PTPRK: variants seen among roughly 807,000 people sequenced by gnomAD.
PTPRK encodes the protein protein tyrosine phosphatase receptor type K.
In PTPRK, 75 loss-of-function variants were observed where a neutral mutation model predicts 178.0. The observed-to-expected ratio is 0.42, with a 90% CI of 0.35 to 0.51. The LOEUF (loss-of-function observed/expected upper bound fraction) is 0.51, where lower values mean the gene tolerates loss of function less well. PTPRK is among the 20% of genes least tolerant of loss of function. The probability of loss-of-function intolerance (pLI) is 0.02; values close to 1 mark genes in which losing one functional copy is unlikely to be tolerated. For missense variants in PTPRK, 1,441 were observed against 1,797.8 expected (o/e 0.80, Z 3.59); for synonymous variants, 637 against 620.6 (o/e 1.03, Z -0.39).
chr6:128,317,439 A>G (rs1246713342), intron 3 of PTPRK, among the ~76,000 whole-genome samples: 4 of 150,838 alleles, frequency 2.7e-5, no homozygotes, highest in Non-Finnish European at 5.9e-5. Context: ...CTCCAAATAG[A>G]TTGAAAAAAA....
chr6:128,270,631 A>G (rs942656923), intron 3 of PTPRK, among the ~76,000 whole-genome samples: 14 of 152,158 alleles, frequency 9.2e-5, no homozygotes, highest in Admixed American at 7.9e-4. Flanking sequence ...CAATACAGAT[A>G]CTAGCAATGT....
At chr6:128,074,037 T>C (rs1257336404) in intron 11 of PTPRK, among the ~76,000 whole-genome samples, 1 of 152,072 alleles carries the variant, frequency 6.6e-6, no homozygotes, top group Non-Finnish European at 1.5e-5. Context: ...AACATACATT[T>C]GTCTGTTAAG....
intron 1 of PTPRK, among the ~76,000 whole-genome samples, chr6:128,437,526 C>T (rs1368316087): frequency 6.6e-6 from 1 of 152,126 alleles, no homozygotes. Flanking sequence ...GACAAGAACC[C>T]TTTTCCGGTG....
At chr6:128,407,770 G>GT (rs1252658439) in intron 1 of PTPRK, among the ~76,000 whole-genome samples, 2 of 151,458 alleles carry the variant, frequency 1.3e-5, no homozygotes, top group Non-Finnish European at 2.9e-5. Context: ...TAATGACCAA[G>GT]TTTTAATCTA....
At chr6:128,316,834 A>G (rs1828067559) in intron 3 of PTPRK, among the ~76,000 whole-genome samples, 1 of 151,340 alleles carries the variant, frequency 6.6e-6, no homozygotes, top group Non-Finnish European at 1.5e-5. Flanking sequence ...CTCCTGCCTC[A>G]GCCTCCTGAG....
chr6:128,153,261 G>T (rs1797527322), intron 7 of PTPRK, among the ~76,000 whole-genome samples: 2 of 151,710 alleles, frequency 1.3e-5, no homozygotes, highest in Non-Finnish European at 2.9e-5. Context: ...AATGATAATG[G>T]TAAAAAATGG....
chr6:128,238,701 C>T (rs1188128965), intron 5 of PTPRK, among the ~76,000 whole-genome samples: 3 of 152,108 alleles, frequency 2.0e-5, no homozygotes, highest in Non-Finnish European at 2.9e-5. Flanking sequence ...TTTGATAAAA[C>T]AGGTTGCACA....
intron 3 of PTPRK, among the ~76,000 whole-genome samples, chr6:128,313,923 A>G (rs948929022): frequency 2.0e-5 from 3 of 152,200 alleles, no homozygotes; most frequent in African/African-American, 7.2e-5. Context: ...ATTATCTGAA[A>G]GCATTAGGAT....
intron 27 of PTPRK, among the ~76,000 whole-genome samples, chr6:127,975,243 A>T (rs1445405089): frequency 6.6e-6 from 1 of 152,196 alleles, no homozygotes; most frequent in Non-Finnish European, 1.5e-5. Context: ...TTAACAGACA[A>T]GCCTTACTGT....
At chr6:128,292,451 C>G (rs142936229) in intron 3 of PTPRK, among the ~76,000 whole-genome samples, 6 of 152,126 alleles carry the variant, frequency 3.9e-5, no homozygotes, top group Admixed American at 2.0e-4. Context: ...TTTATCAAAA[C>G]TAAAAATTAA....
At position 128,322,117 on chromosome 6, in the gene PTPRK, C is replaced by G. The variant is rs746541555; in HGVS notation, c.417G>C (p.Trp139Cys). ...CTCTACCCGTGAATCCAGTCACATTCCAAATTGGATTGGCAAGAGGTCCTT... is the reference window on the plus strand; with the variant it reads ...CTCTACCCGTGAATCCAGTCACATTGCAAATTGGATTGGCAAGAGGTCCTT... ...VNKGPLANPI[W>C]NVTGFTGRDW... Residue 139 changes from tryptophan to cysteine, a missense_variant, in exon 3 of 30, where the codon TGG becomes TGC. Transcript: ENST00000368226. 6.2e-7 allele frequency: 1 copy of G among 1,613,892 alleles called. No homozygotes were observed. The highest frequency in any genetic ancestry group is 1.3e-5 in the African/African-American group (1 of 74,998).
chr6:128,107,056 T>C (rs1789839674), intron 7 of PTPRK, among the ~76,000 whole-genome samples: 1 of 152,114 alleles, frequency 6.6e-6, no homozygotes, highest in Non-Finnish European at 1.5e-5. Flanking sequence ...GAATGATTTG[T>C]CTTAAATACA....
At chr6:127,999,898 C>T in intron 15 of PTPRK, 1 of 846,872 alleles carries the variant, frequency 1.2e-6, no homozygotes, top group Admixed American at 6.2e-5. Context: ...GCGTAAGTCC[C>T]TTCCCAATTG....
intron 7 of PTPRK, among the ~76,000 whole-genome samples, chr6:128,136,428 G>T (rs1795024511): frequency 6.6e-6 from 1 of 152,188 alleles, no homozygotes; most frequent in Non-Finnish European, 1.5e-5. Context: ...ATCGGAATGT[G>T]TAAGGGAAGA....
At chr6:128,485,107 A>G (rs1011142429) in intron 1 of PTPRK, among the ~76,000 whole-genome samples, 14 of 152,226 alleles carry the variant, frequency 9.2e-5, no homozygotes, top group African/African-American at 2.9e-4. Flanking sequence ...AAGCTATATA[A>G]TTACAATTCA....
intron 7 of PTPRK, among the ~76,000 whole-genome samples, chr6:128,095,808 T>C (rs905640066): frequency 1.3e-5 from 2 of 152,198 alleles, no homozygotes; most frequent in African/African-American, 4.8e-5. Flanking sequence ...TGACTTATTT[T>C]ATTATACGCT....
At position 128,072,401 on chromosome 6, in the gene PTPRK, C is replaced by A. The variant is rs564777978; in HGVS notation, c.1884-4609G>T. ...CACTGAACAGCATAGCTTAGCCTAG[C>A]CTAACTTAAATGTGCTCAGAACATT... On this transcript the variant is annotated intron_variant, in intron 11 of 29. Transcript: ENST00000368226. 2.0e-5 allele frequency among the ~76,000 whole-genome samples: 3 copies of A among 152,012 alleles called. No individual in the cohort carries two copies. The East Asian group carries it at 5.8e-4, about 29-fold the overall frequency.
chr6:128,025,237 T>G (rs1774107612), intron 13 of PTPRK, among the ~76,000 whole-genome samples: 1 of 152,264 alleles, frequency 6.6e-6, no homozygotes, highest in Non-Finnish European at 1.5e-5. Context: ...AGTTTTGTAT[T>G]CCTTCATTAG....
chr6:128,086,772 G>A (rs2115014740), intron 8 of PTPRK, among the ~76,000 whole-genome samples: 1 of 152,044 alleles, frequency 6.6e-6, no homozygotes, highest in East Asian at 1.9e-4. Context: ...AATACTTCAT[G>A]GAAGAGTTTA....
Sources: allele counts gnomAD v4.1 joint callset (sites outside exome capture counted in the v4.1 genomes callset), GRCh38; gene constraint gnomAD v4.1.1; transcripts MANE v1.5; gene names NCBI Gene and HGNC (gene_info 2026-07-23, HGNC 2026-07-21).